The following PRR16 variants were observed in gnomAD, a reference collection of about 807,000 sequenced individuals.
PRR16 encodes the protein protein Largen.
PRR16 carries 6 observed loss-of-function variants against 18.2 expected under a neutral mutation model. That is an observed-to-expected ratio of 0.33 (90% CI 0.18 to 0.65). The LOEUF (loss-of-function observed/expected upper bound fraction) is 0.65, where lower values mean the gene tolerates loss of function less well. Ranked by LOEUF, PRR16 falls within the 30% of genes least tolerant of loss-of-function variation. The pLI is 0.74. For synonymous variants in PRR16, 151 were observed against 147.8 expected (o/e 1.02, Z -0.16); for missense variants, 412 against 376.6 (o/e 1.09, Z -0.78).
chr5:120,543,307 A>T (rs1395559110), intron 1 of PRR16, among the ~76,000 whole-genome samples: 4 of 152,108 alleles, frequency 2.6e-5, no homozygotes, highest in African/African-American at 4.8e-5. Flanking sequence ...AGAGTGTGGC[A>T]TTTGGTGAGC....
At chr5:120,582,819 G>A (rs146820546) in intron 1 of PRR16, among the ~76,000 whole-genome samples, 179 of 151,030 alleles carry the variant, frequency 1.2e-3, no homozygotes, top group Non-Finnish European at 2.1e-3. Flanking sequence ...CTATAAATTG[G>A]TATTTCCAAG....
the PRR16 span, among the ~76,000 whole-genome samples, chr5:120,694,110 A>C: frequency 2.0e-5 from 3 of 152,324 alleles, no homozygotes; most frequent in South Asian, 6.2e-4. Flanking sequence ...ACTAAGAGTA[A>C]AACCTTGAAC....
downstream of PRR16, among the ~76,000 whole-genome samples, chr5:120,687,956 T>C (rs998687090): frequency 1.3e-5 from 2 of 152,238 alleles, no homozygotes; most frequent in Admixed American, 6.5e-5. Flanking sequence ...CCTAGAGTTA[T>C]GATGAGGACA....
chr5:120,657,015 A>C (rs1756003125), intron 1 of PRR16, among the ~76,000 whole-genome samples: 1 of 151,978 alleles, frequency 6.6e-6, no homozygotes, highest in Admixed American at 6.6e-5. Flanking sequence ...GTGATTTTTT[A>C]AATTAAAGAG....
chr5:120,530,967 C>A (rs563828967), intron 1 of PRR16, among the ~76,000 whole-genome samples: 1 of 152,158 alleles, frequency 6.6e-6, no homozygotes, highest in South Asian at 2.1e-4. Flanking sequence ...CTTAGTGCAA[C>A]AAAAGTTAGA....
rs192571656 is a variant in PRR16 at position 120,466,693 on chromosome 5, A to G, written c.159+2048A>G. On this transcript the variant is annotated intron_variant, in intron 1 of 1. Coordinates refer to ENST00000407149, the MANE Select transcript of PRR16 (RefSeq NM_001300783.2). Reference sequence around the variant, plus strand: ...GTGTCTTCATTACTGAAGATTTTTTAAGGTTAAAAAAAAGGTTGTTTATAA... The same window carrying G: ...GTGTCTTCATTACTGAAGATTTTTTGAGGTTAAAAAAAAGGTTGTTTATAA... Among the ~76,000 whole-genome samples, 347 of 152,306 alleles carry G rather than the reference A, an allele frequency of 2.3e-3. 1 individual carries two copies. In the Middle Eastern group the frequency reaches 0.024, roughly 10 times the overall value.
intron 1 of PRR16, among the ~76,000 whole-genome samples, chr5:120,561,407 A>T (rs1012871048): frequency 6.6e-6 from 1 of 151,794 alleles, no homozygotes; most frequent in Non-Finnish European, 1.5e-5. Flanking sequence ...TTTAATTTCT[A>T]TGTCTTTGTT....
At chr5:120,759,866 T>C in the PRR16 span, among the ~76,000 whole-genome samples, 1 of 152,148 alleles carries the variant, frequency 6.6e-6, no homozygotes, top group Non-Finnish European at 1.5e-5. Context: ...GTTGTTAAAG[T>C]TGTTTCTTGA....
chr5:120,468,944 A>G (rs144194009), intron 1 of PRR16, among the ~76,000 whole-genome samples: 55 of 152,342 alleles, frequency 3.6e-4, no homozygotes, highest in African/African-American at 1.3e-3. Flanking sequence ...TAACAGAGAA[A>G]CTAAAATAAA....
chr5:120,650,311 A>G (rs1755733725), intron 1 of PRR16, among the ~76,000 whole-genome samples: 1 of 151,738 alleles, frequency 6.6e-6, no homozygotes, highest in African/African-American at 2.4e-5. Context: ...AGATTATCAA[A>G]TGATTTTTTT....
chr5:120,714,242 A>G, the PRR16 span, among the ~76,000 whole-genome samples: 1 of 152,214 alleles, frequency 6.6e-6, no homozygotes, highest in Non-Finnish European at 1.5e-5. Context: ...CAAATATAAT[A>G]GAACATAATG....
intron 1 of PRR16, among the ~76,000 whole-genome samples, chr5:120,625,536 C>T (rs1319051134): frequency 6.6e-6 from 1 of 152,106 alleles, no homozygotes; most frequent in Non-Finnish European, 1.5e-5. Flanking sequence ...CAGGTTCTCA[C>T]TATATTGTCC....
intron 1 of PRR16, among the ~76,000 whole-genome samples, chr5:120,559,616 G>T (rs183162840): frequency 1.6e-4 from 25 of 151,892 alleles, no homozygotes; most frequent in African/African-American, 5.3e-4. Flanking sequence ...GATCAGAGTA[G>T]CTTTGGCTGT....
the PRR16 span, among the ~76,000 whole-genome samples, chr5:120,734,227 T>C: frequency 6.6e-6 from 1 of 152,256 alleles, no homozygotes; most frequent in African/African-American, 2.4e-5. Flanking sequence ...CATCTGGGCT[T>C]CCCAGGGAGA....
chr5:120,533,152 C>A (rs1751605523), intron 1 of PRR16, among the ~76,000 whole-genome samples: 1 of 152,136 alleles, frequency 6.6e-6, no homozygotes, highest in African/African-American at 2.4e-5. Context: ...TTGGAGTGAT[C>A]TAGAGTTCTG....
chr5:120,526,325 A>G (rs150942370), intron 1 of PRR16, among the ~76,000 whole-genome samples: 22 of 152,284 alleles, frequency 1.4e-4, no homozygotes, highest in Middle Eastern at 3.4e-3. Context: ...TCTTGTTGTC[A>G]TTCCTAAATC....
chr5:120,626,033 C>T (rs541519620), intron 1 of PRR16, among the ~76,000 whole-genome samples: 1 of 152,088 alleles, frequency 6.6e-6, no homozygotes, highest in Non-Finnish European at 1.5e-5. Context: ...AATTCAGTCT[C>T]TCTTGGAAAC....
intron 1 of PRR16, among the ~76,000 whole-genome samples, chr5:120,670,857 C>T (rs1756577486): frequency 1.3e-5 from 2 of 152,086 alleles, no homozygotes; most frequent in South Asian, 4.1e-4. Flanking sequence ...CAATTTGTAT[C>T]ATTTTCTGTA....
chr5:120,649,915 T>A (rs1011548832), intron 1 of PRR16, among the ~76,000 whole-genome samples: 1 of 152,036 alleles, frequency 6.6e-6, no homozygotes, highest in Non-Finnish European at 1.5e-5. Context: ...ATTTGTGATA[T>A]TAACTCTGAA....
Sources: gnomAD v4.1 joint callset for allele counts (sites outside exome capture counted in the v4.1 genomes callset) on GRCh38, gnomAD v4.1.1 for gene constraint, MANE v1.5 for transcripts, NCBI Gene and HGNC (gene_info 2026-07-23, HGNC 2026-07-21) for gene names.